The following KLRG2 variants were observed in gnomAD, a reference collection of about 807,000 sequenced individuals.
The protein encoded by KLRG2 is killer cell lectin-like receptor subfamily G member 2.
In KLRG2, 39 loss-of-function variants were observed where a neutral mutation model predicts 35.4. The ratio of observed to expected loss-of-function variants is 1.10; its 90% CI spans 0.85 to 1.44. The LOEUF (loss-of-function observed/expected upper bound fraction) is 1.44, where lower values mean the gene tolerates loss of function less well. Among genes scored for constraint, KLRG2 ranks in the 40% most tolerant of loss-of-function variants. KLRG2 has a pLI of 0.00. For missense variants in KLRG2, 632 were observed against 570.9 expected (o/e 1.11, Z -1.09); for synonymous variants, 283 against 265.8 (o/e 1.06, Z -0.63).
intron 3 of KLRG2, among the ~76,000 whole-genome samples, chr7:139,465,561 G>A (rs894250698): frequency 6.6e-5 from 10 of 152,088 alleles, no homozygotes; most frequent in African/African-American, 9.6e-5. Flanking sequence ...GCATGGTGGC[G>A]GGTGCCTGTA....
At chr7:139,447,545 C>T in the KLRG2 span, among the ~76,000 whole-genome samples, 2 of 151,966 alleles carry the variant, frequency 1.3e-5, no homozygotes, top group African/African-American at 4.8e-5. Flanking sequence ...GGATTACAGG[C>T]GCCCACCACC....
chr7:139,475,542 AAAG>A lies in KLRG2; in HGVS notation c.1005+4082_1005+4084del, dbSNP rs1304405565. ...CAAGACTCTATCTCAAAAAAAAAAAAAAGAACTCGTCCCCGTGCTGGGGGGGTG... is the reference window on the plus strand; with the variant it reads ...CAAGACTCTATCTCAAAAAAAAAAAAAACTCGTCCCCGTGCTGGGGGGGTG... On this transcript the variant is annotated intron_variant, in intron 3 of 4. Coordinates refer to ENST00000340940, the MANE Select transcript of KLRG2 (RefSeq NM_198508.4). 2.0e-5 allele frequency among the ~76,000 whole-genome samples: 3 copies of A among 151,296 alleles called. No homozygotes were observed. The East Asian group carries it at 5.8e-4, about 29-fold the overall frequency.
At chr7:139,471,367 G>A (rs1221405623) in intron 3 of KLRG2, among the ~76,000 whole-genome samples, 2 of 152,036 alleles carry the variant, frequency 1.3e-5, no homozygotes, top group African/African-American at 2.4e-5. Context: ...GTGTGTTCAA[G>A]AATTCACTTC....
the KLRG2 span, among the ~76,000 whole-genome samples, chr7:139,445,781 G>GTGTGTGTATATATATATATATATATA: frequency 5.1e-5 from 5 of 98,506 alleles, 1 homozygote; most frequent in African/African-American, 3.8e-4. Flanking sequence ...ATATATATAT[G>GTGTGTGTATATATATATATATATATA]TATATATATA....
At chr7:139,459,872 C>T (rs1415719814) in intron 3 of KLRG2, among the ~76,000 whole-genome samples, 1 of 152,126 alleles carries the variant, frequency 6.6e-6, no homozygotes, top group Non-Finnish European at 1.5e-5. Context: ...CTGCCTCAGC[C>T]TCCCAAGTAG....
chr7:139,478,360 G>C (rs182494585), intron 3 of KLRG2, among the ~76,000 whole-genome samples: 7 of 108,500 alleles, frequency 6.5e-5, no homozygotes, highest in Admixed American at 6.3e-4. Context: ...GTGAGGACCT[G>C]TTTCAAAAAA....
At chr7:139,438,441 T>C in the KLRG2 span, among the ~76,000 whole-genome samples, 1 of 152,104 alleles carries the variant, frequency 6.6e-6, no homozygotes, top group Non-Finnish European at 1.5e-5. Context: ...GGTCTAGAAC[T>C]CCTGGGTCCA....
chr7:139,468,943 A>G (rs115933837), intron 3 of KLRG2, among the ~76,000 whole-genome samples: 26 of 152,248 alleles, frequency 1.7e-4, no homozygotes, highest in African/African-American at 6.0e-4. Flanking sequence ...ATGCCGAGAG[A>G]CACTAGAGAT....
At chr7:139,444,553 C>G in the KLRG2 span, among the ~76,000 whole-genome samples, 1 of 152,188 alleles carries the variant, frequency 6.6e-6, no homozygotes, top group South Asian at 2.1e-4. Flanking sequence ...CTTGCTCCTT[C>G]TCTCCATGCC....
intron 3 of KLRG2, 30 bp from the exon 4 acceptor site, chr7:139,454,244 C>G: frequency 9.0e-7 from 1 of 1,110,588 alleles, no homozygotes. Context: ...TGGTCACTCC[C>G]CTGGACACTG....
the KLRG2 span, among the ~76,000 whole-genome samples, chr7:139,431,944 C>T: frequency 6.6e-6 from 1 of 152,046 alleles, no homozygotes; most frequent in East Asian, 1.9e-4. Context: ...GTACACCAGA[C>T]TCTTGTGGAC....
chr7:139,467,699 G>A (rs1203534963), intron 3 of KLRG2, among the ~76,000 whole-genome samples: 5 of 150,982 alleles, frequency 3.3e-5, no homozygotes, highest in Admixed American at 2.0e-4. Context: ...CAAACACTGC[G>A]GAAGGCCGCA....
chr7:139,434,924 C>G, the KLRG2 span, among the ~76,000 whole-genome samples: 1 of 152,160 alleles, frequency 6.6e-6, no homozygotes, highest in East Asian at 1.9e-4. Flanking sequence ...CACATCATCT[C>G]TTCGTCCTTC....
At chr7:139,458,206 T>C (rs1253297203) in intron 3 of KLRG2, among the ~76,000 whole-genome samples, 2 of 151,992 alleles carry the variant, frequency 1.3e-5, no homozygotes, top group African/African-American at 2.4e-5. Flanking sequence ...AGTGAGACCC[T>C]GTCTCTACAA....
downstream of KLRG2, among the ~76,000 whole-genome samples, chr7:139,450,231 T>C (rs1444342405): frequency 6.7e-5 from 8 of 119,358 alleles, no homozygotes; most frequent in South Asian, 1.0e-3. Context: ...TTTTTTGTTT[T>C]GTTTTGTTTT....
rs1796404063 is a variant in KLRG2, at chr7:139,453,468, G to A, written c.*119C>T. 6 of 1,068,802 alleles carry A rather than the reference G, an allele frequency of 5.6e-6. No individual in the cohort carries two copies. Among genetic ancestry groups the A allele is most frequent in the Non-Finnish European group, 8.0e-6 (6 of 746,488 alleles). 66.2% of individuals were successfully genotyped at this position (1,068,802 alleles called of 1,614,324 possible). On this transcript the variant is annotated 3_prime_UTR_variant, in exon 5 of 5. Coordinates refer to ENST00000340940, the MANE Select transcript of KLRG2 (RefSeq NM_198508.4). The stretch of plus-strand genomic sequence containing the variant: ...AGGCTCGCTCATGTGGCCCCCTTGA[G>A]CAGAGCATGAAGACCTGGATAACTG...
chr7:139,471,354 C>T (rs1247143390), intron 3 of KLRG2, among the ~76,000 whole-genome samples: 2 of 151,972 alleles, frequency 1.3e-5, no homozygotes, highest in Admixed American at 6.6e-5. Flanking sequence ...GAGATACTGA[C>T]ATGTGTGTTC....
At position 139,454,215 on chromosome 7, in the gene KLRG2, C is replaced by T; in HGVS notation, c.1006-1G>A. ...AGACTGGGTATCTGCCCAGGAAGTC[C>T]TGAGGGAGAAAAGTAAGCTGGTCAC... On this transcript the variant is annotated splice_acceptor_variant, in intron 3 of 4. Transcript: ENST00000340940. LOFTEE classifies it high-confidence loss of function. The T allele has an allele frequency of 2.7e-6, 4 of 1,480,438 alleles. No homozygotes were observed. The highest frequency in any genetic ancestry group is 3.7e-6 in the Non-Finnish European group (4 of 1,084,084). 91.7% of individuals were successfully genotyped at this position (1,480,438 alleles called of 1,614,324 possible). A position where few individuals can be genotyped will look rare whatever the true frequency, so the allele number is the denominator to read the frequency against.
chr7:139,428,340 C>T, the KLRG2 span, among the ~76,000 whole-genome samples: 2 of 152,072 alleles, frequency 1.3e-5, no homozygotes, highest in African/African-American at 4.8e-5. Flanking sequence ...ACCTCCTGGA[C>T]TCAAGTAATC....
Sources: gnomAD v4.1 joint callset for allele counts (sites outside exome capture counted in the v4.1 genomes callset) on GRCh38, gnomAD v4.1.1 for gene constraint, MANE v1.5 for transcripts, NCBI Gene and HGNC (gene_info 2026-07-23, HGNC 2026-07-21) for gene names.